OXNAD1: variants seen among roughly 807,000 people sequenced by gnomAD.
OXNAD1 encodes oxidoreductase NAD binding domain containing 1.
In OXNAD1, 34 loss-of-function variants were observed where a neutral mutation model predicts 32.9. The observed-to-expected ratio is 1.03, with a 90% CI of 0.79 to 1.38. The LOEUF (loss-of-function observed/expected upper bound fraction) is 1.38, where lower values mean the gene tolerates loss of function less well. Among genes scored for constraint, OXNAD1 ranks in the 40% most tolerant of loss-of-function variants. The pLI is 0.00. For missense variants in OXNAD1, 407 were observed against 379.4 expected, an observed-to-expected ratio of 1.07 and a Z score of -0.60; for synonymous variants, 134 against 135.2, an observed-to-expected ratio of 0.99 and a Z score of 0.06.
Position 16,327,564 on chromosome 3 carries a change from C to G in OXNAD1, c.*31-9548C>G, listed in dbSNP as rs2069836392. 6.6e-6 allele frequency among the ~76,000 whole-genome samples: 1 copy of G among 151,966 alleles called. No individual in the cohort carries two copies. The highest frequency in any genetic ancestry group is 1.5e-5 in the Non-Finnish European group (1 of 67,972). On this transcript the variant is annotated intron_variant, in intron 9 of 9. Transcript: ENST00000435829. The surrounding 1 kb of genome is among the most constrained non-coding windows in gnomAD (Gnocchi z 4.2). ...CACATGGTCAGGAGATCAAGACCATCCTGGCTAACACAGTGAAACCCCGTC... is the reference window on the plus strand; with the variant it reads ...CACATGGTCAGGAGATCAAGACCATGCTGGCTAACACAGTGAAACCCCGTC...
rs900575713 is a variant in OXNAD1 at position 16,287,322 on chromosome 3, T to G, written c.290+874T>G. ...GTGGTTTTGTTAGAAGGAGGATGTG[T>G]GATAATAGCAAGTGTGATAATAGCA... On this transcript the variant is annotated intron_variant, in intron 5 of 8. Coordinates refer to ENST00000285083, the MANE Select transcript of OXNAD1 (RefSeq NM_138381.5). The surrounding 1 kb of genome is among the most constrained non-coding windows in gnomAD (Gnocchi z 4.8). 1.3e-5 allele frequency among the ~76,000 whole-genome samples: 2 copies of G among 152,228 alleles called. No homozygotes were observed. The highest frequency in any genetic ancestry group is 4.8e-5 in the African/African-American group (2 of 41,456).
Position 16,277,051 on chromosome 3 carries a change from A to G in OXNAD1, c.183+5329A>G, listed in dbSNP as rs1201896320. On this transcript the variant is annotated intron_variant, in intron 4 of 8. Transcript: ENST00000285083. This position sits in a 1 kb window ranked among gnomAD's most constrained non-coding sequence, Gnocchi z 4.3. ...GTGACTCTCCTGCCTCAGCCTCCCCAGTAGCTGGGATTACAGGCGCCTGCC... is the reference window on the plus strand; with the variant it reads ...GTGACTCTCCTGCCTCAGCCTCCCCGGTAGCTGGGATTACAGGCGCCTGCC... Among the ~76,000 whole-genome samples, 1 of 151,144 alleles carries G rather than the reference A, an allele frequency of 6.6e-6. No individual in the cohort carries two copies. Among genetic ancestry groups the G allele is most frequent in the Non-Finnish European group, 1.5e-5 (1 of 67,826 alleles).
At chr3:16,300,075 A>T (rs553857678) in intron 6 of OXNAD1, among the ~76,000 whole-genome samples, 2 of 152,312 alleles carry the variant, frequency 1.3e-5, no homozygotes, top group East Asian at 3.9e-4. Context: ...TATGATTAAA[A>T]TTCAGTCTTT....
intron 4 of OXNAD1, among the ~76,000 whole-genome samples, chr3:16,274,644 T>C (rs2065195804): frequency 6.6e-6 from 1 of 152,214 alleles, no homozygotes; most frequent in Non-Finnish European, 1.5e-5. Context: ...CTATTAGAGA[T>C]CTAGTAAATA....
intron 9 of OXNAD1, among the ~76,000 whole-genome samples, chr3:16,318,107 G>A (rs2068628397): frequency 1.3e-5 from 2 of 152,196 alleles, no homozygotes; most frequent in Admixed American, 1.3e-4. Context: ...CACGCGGCCA[G>A]TAATAGAGTT....
chr3:16,269,927 A>G (rs2064808520), intron 2 of OXNAD1, among the ~76,000 whole-genome samples: 1 of 152,228 alleles, frequency 6.6e-6, no homozygotes, highest in Non-Finnish European at 1.5e-5. Flanking sequence ...AGAAATGTTT[A>G]AAAATTGACA....
intron 9 of OXNAD1, among the ~76,000 whole-genome samples, chr3:16,325,591 C>A (rs1049582918): frequency 6.6e-6 from 1 of 151,970 alleles, no homozygotes; most frequent in African/African-American, 2.4e-5. Context: ...GTCTTCAGGC[C>A]CCAAATCCAG....
intron 5 of OXNAD1, among the ~76,000 whole-genome samples, chr3:16,294,276 C>T (rs1575122296): frequency 1.3e-5 from 2 of 151,660 alleles, no homozygotes; most frequent in South Asian, 2.1e-4. Flanking sequence ...AATCTTGGCT[C>T]ACTGCAACAT....
At position 16,335,306 on chromosome 3, in the gene OXNAD1, C is replaced by T. The variant is rs961425693; in HGVS notation, c.*31-1806C>T. ...CTGGATTTCCTTGTGAGGGGGTGAG[C>T]AGAAGATGAACGAAAATGGGCTGAG... On this transcript the variant is annotated intron_variant, in intron 9 of 9. Coordinates refer to the OXNAD1 transcript ENST00000435829. The surrounding 1 kb of genome is among the most constrained non-coding windows in gnomAD (Gnocchi z 4.7). Among the ~76,000 whole-genome samples, 1 of 152,114 alleles carries T rather than the reference C, an allele frequency of 6.6e-6. No homozygotes were observed. The highest frequency in any genetic ancestry group is 2.4e-5 in the African/African-American group (1 of 41,420).
chr3:16,275,499 A>G (rs1263467196), intron 4 of OXNAD1: 1 of 152,270 alleles, frequency 6.6e-6, no homozygotes, highest in Non-Finnish European at 1.5e-5. Flanking sequence ...CCAGGAGTTC[A>G]AGGTTACTAA....
rs78536029 is a variant in OXNAD1 at position 16,273,870 on chromosome 3, T to A, written c.183+2148T>A. On this transcript the variant is annotated intron_variant, in intron 4 of 8. Transcript: ENST00000285083. ...TACATTTTTCAAATTTGTGTGGATA[T>A]AAACAGTATTTTTATTTATATCACC... Among the ~76,000 whole-genome samples the A allele has an allele frequency of 1.7e-3, 256 of 152,356 alleles. 4 individuals are homozygous for A. In the East Asian group the frequency reaches 0.043, roughly 26 times the overall value.
At chr3:16,268,373 A>G (rs2064701289) in intron 1 of OXNAD1, among the ~76,000 whole-genome samples, 1 of 112,190 alleles carries the variant, frequency 8.9e-6, no homozygotes, top group Admixed American at 1.4e-4. Context: ...CTTGTTGCCC[A>G]GGCTGGAGTG....
Position 16,316,935 on chromosome 3 carries a change from T to C in OXNAD1, c.*30+13343T>C, listed in dbSNP as rs1023422972. 4 of 1,614,016 alleles carry C rather than the reference T, an allele frequency of 2.5e-6. No homozygotes were observed. The African/African-American group carries it at 4.0e-5, about 16-fold the overall frequency. On this transcript the variant is annotated intron_variant, in intron 9 of 9. Coordinates refer to the OXNAD1 transcript ENST00000435829. This position sits in a 1 kb window ranked among gnomAD's most constrained non-coding sequence, Gnocchi z 4.5. ...GTGCAAATCCCCACCAGGGCCCTGC[T>C]GTGGCTGGCAGGACCATTCTGCACA...
At chr3:16,285,839 T>C (rs1334524376) in intron 4 of OXNAD1, among the ~76,000 whole-genome samples, 2 of 152,256 alleles carry the variant, frequency 1.3e-5, no homozygotes, top group Non-Finnish European at 2.9e-5. Context: ...AAGATTGTTC[T>C]GTGAAATTGT....
chr3:16,288,498 T>C lies in OXNAD1; in HGVS notation c.290+2050T>C, dbSNP rs1231373048. ...TAAATGAATGTTGTCTGTGACTAGC[T>C]GGAGCTTTGGCCACAGATCCCCATG... On this transcript the variant is annotated intron_variant, in intron 5 of 8. Transcript: ENST00000285083. The surrounding 1 kb of genome is among the most constrained non-coding windows in gnomAD (Gnocchi z 5.1). Among the ~76,000 whole-genome samples the C allele has an allele frequency of 6.6e-6, 1 of 152,206 alleles. No individual in the cohort carries two copies. The highest frequency in any genetic ancestry group is 1.5e-5 in the Non-Finnish European group (1 of 68,034).
rs1044703133 is a variant in OXNAD1, at chr3:16,317,587, C to G, written c.*30+13995C>G. ...ATGGAGAGGAGATGTGAGGCCTGCCCCCAGTAAGAGCCAGAGCTGCAGCTA... is the reference window on the plus strand; with the variant it reads ...ATGGAGAGGAGATGTGAGGCCTGCCGCCAGTAAGAGCCAGAGCTGCAGCTA... On this transcript the variant is annotated intron_variant, in intron 9 of 9. Coordinates refer to the OXNAD1 transcript ENST00000435829. The surrounding 1 kb of genome is among the most constrained non-coding windows in gnomAD (Gnocchi z 4.3). Among the ~76,000 whole-genome samples the G allele has an allele frequency of 2.0e-5, 3 of 152,136 alleles. No homozygotes were observed. Among genetic ancestry groups the G allele is most frequent in the African/African-American group, 7.2e-5 (3 of 41,412 alleles).
chr3:16,286,486 A>G (rs767988623), intron 5 of OXNAD1, 38 bp downstream of exon 5: 1 of 1,515,006 alleles, frequency 6.6e-7, no homozygotes, highest in South Asian at 1.1e-5. Context: ...TGTATGTTCA[A>G]GAAGGTGCCA....
At position 16,271,189 on chromosome 3, in the gene OXNAD1, A is replaced by G. The variant is rs918176504; in HGVS notation, c.119+118A>G. On this transcript the variant is annotated intron_variant, in intron 3 of 8. Transcript: ENST00000285083. This position sits in a 1 kb window ranked among gnomAD's most constrained non-coding sequence, Gnocchi z 4.6. ...AGGTAACACCTTAGCTTCAATGTGC[A>G]TGCTGTCAGGTTGTTAACCGTTTTT... 13 of 1,242,024 alleles carry G rather than the reference A, an allele frequency of 1.0e-5. No individual in the cohort carries two copies. The highest frequency in any genetic ancestry group is 4.5e-5 in the Admixed American group (2 of 44,024). 76.9% of individuals were successfully genotyped at this position (1,242,024 alleles called of 1,614,324 possible). A position where few individuals can be genotyped will look rare whatever the true frequency, so the allele number is the denominator to read the frequency against.
chr3:16,330,080 G>T (rs1330052762), intron 9 of OXNAD1, among the ~76,000 whole-genome samples: 2 of 152,222 alleles, frequency 1.3e-5, no homozygotes, highest in African/African-American at 4.8e-5. Context: ...CAGGGTAGGA[G>T]ATGTCAGCCA....
Sources: allele counts gnomAD v4.1 joint callset (sites outside exome capture counted in the v4.1 genomes callset), GRCh38; gene constraint gnomAD v4.1.1; non-coding constraint Gnocchi (gnomAD v3.1); transcripts MANE v1.5; gene names NCBI Gene and HGNC (gene_info 2026-07-23, HGNC 2026-07-21).